YTHDF2: variants seen among roughly 807,000 people sequenced by gnomAD.
The protein encoded by YTHDF2 is YTH N6-methyladenosine RNA binding protein F2.
YTHDF2 carries 2 observed loss-of-function variants against 50.4 expected under a neutral mutation model. The ratio of observed to expected loss-of-function variants is 0.04; its 90% CI spans 0.02 to 0.12. YTHDF2 has a LOEUF of 0.12. YTHDF2 is among the 10% of genes least tolerant of loss of function. The pLI is 1.00. For synonymous variants in YTHDF2, 217 were observed against 255.6 expected, an observed-to-expected ratio of 0.85 and a Z score of 1.44; for missense variants, 483 against 722.6, an observed-to-expected ratio of 0.67 and a Z score of 3.80.
intron 3 of YTHDF2, among the ~76,000 whole-genome samples, chr1:28,739,376 G>A (rs1220843629): frequency 6.7e-6 from 1 of 149,754 alleles, no homozygotes; most frequent in Non-Finnish European, 1.5e-5. Context: ...GTGCAGTGGT[G>A]CAATCTCGGC....
intron 4 of YTHDF2, among the ~76,000 whole-genome samples, chr1:28,744,192 C>A (rs899881456): frequency 6.6e-6 from 1 of 152,018 alleles, no homozygotes; most frequent in African/African-American, 2.4e-5. Flanking sequence ...GACAGAAATA[C>A]GGACTTTGAA....
rs1294901915 is a variant in YTHDF2, at chr1:28,737,010, G to A, written c.-111G>A. ...CTCCGCTGCGTCCGCCGAGGCCCCC[G>A]AGTGTCAGGGACAAAAGCCTCCGCC... On this transcript the variant is annotated 5_prime_UTR_variant, in exon 1 of 5. Transcript: ENST00000373812. The A allele has an allele frequency of 2.9e-6, 4 of 1,385,250 alleles. No homozygotes were observed. Among genetic ancestry groups the A allele is most frequent in the African/African-American group, 1.5e-5 (1 of 67,932 alleles). 85.8% of individuals were successfully genotyped at this position (1,385,250 alleles called of 1,614,324 possible). A position where few individuals can be genotyped will look rare whatever the true frequency, so the allele number is the denominator to read the frequency against.
intron 1 of YTHDF2, 58 bp downstream of exon 1, chr1:28,737,205 G>A: frequency 1.3e-6 from 2 of 1,491,176 alleles, no homozygotes; most frequent in Non-Finnish European, 1.8e-6. Context: ...AGCCCGACTA[G>A]GCCCGGGCCC....
chr1:28,757,682 TTTGCATTTGTTTTTATTATAAAATG>T (rs1177650832), intron 4 of YTHDF2, among the ~76,000 whole-genome samples: 1 of 152,226 alleles, frequency 6.6e-6, no homozygotes, highest in African/African-American at 2.4e-5. Context: ...ATTTGCAAGT[TTTGCATTTGTTTTTATTATAAAATG>T]TAACCAAATT....
chr1:28,752,721 C>T (rs946364692), intron 4 of YTHDF2, among the ~76,000 whole-genome samples: 4 of 151,780 alleles, frequency 2.6e-5, no homozygotes, highest in Admixed American at 2.6e-4. Context: ...TGTGTCACGA[C>T]TGTAGCTCTT....
chr1:28,755,573 C>T (rs1433051833), intron 4 of YTHDF2, among the ~76,000 whole-genome samples: 2 of 152,058 alleles, frequency 1.3e-5, no homozygotes, highest in Non-Finnish European at 2.9e-5. Flanking sequence ...CAGCGTGGTT[C>T]TAGAGCCAAC....
intron 4 of YTHDF2, among the ~76,000 whole-genome samples, chr1:28,753,861 C>G (rs575529936): frequency 6.6e-6 from 1 of 151,908 alleles, no homozygotes; most frequent in African/African-American, 2.4e-5. Context: ...TGCCTGTCAC[C>G]ACGCCCAGCT....
intron 4 of YTHDF2, among the ~76,000 whole-genome samples, chr1:28,753,396 A>AAAAAAAAAAAAAAAAAAAAAAC (rs1557546431): frequency 8.8e-6 from 1 of 113,250 alleles, no homozygotes; most frequent in African/African-American, 3.6e-5. Context: ...AAAAAAAAAA[A>AAAAAAAAAAAAAAAAAAAAAAC]AATCAGCCAG....
chr1:28,760,271 T>G (rs954020708), intron 4 of YTHDF2, among the ~76,000 whole-genome samples: 2 of 147,252 alleles, frequency 1.4e-5, no homozygotes, highest in Non-Finnish European at 3.0e-5. Context: ...ACATAGTAGG[T>G]TGTGTGTGTG....
At position 28,738,335 on chromosome 1, in the gene YTHDF2, G is replaced by T; in HGVS notation, c.129G>T (p.Arg43Ser). ...DFEPYLSPQA[R>S]PNNAYTAMSD... ...AACCTTACTTGAGTCCACAGGCAAG[G>T]CCCGTGAGTAGTTAACTATTTACAT... is the stretch of plus-strand genomic sequence containing the variant. Residue 43 changes from arginine (R) to serine (S), a missense_variant, in exon 3 of 5, where the codon AGG becomes AGT. Physicochemically the swap from Arg to Ser is moderately radical, Grantham distance 110. Transcript: ENST00000373812. 1 of 1,613,332 alleles carries T rather than the reference G, an allele frequency of 6.2e-7. No individual in the cohort carries two copies. Among genetic ancestry groups the T allele is most frequent in the Non-Finnish European group, 8.5e-7 (1 of 1,179,280 alleles).
At chr1:28,737,366 G>A (rs1021067433) in intron 1 of YTHDF2, 5 of 644,406 alleles carry the variant, frequency 7.8e-6, no homozygotes, top group Non-Finnish European at 1.2e-5. Context: ...GGGCCGCGCC[G>A]CGTTCCCTTC....
chr1:28,753,777 G>A (rs1258400644), intron 4 of YTHDF2, among the ~76,000 whole-genome samples: 1 of 150,980 alleles, frequency 6.6e-6, no homozygotes, highest in African/African-American at 2.4e-5. Flanking sequence ...CGCGATCTTG[G>A]CTCGCTGCAG....
At chr1:28,767,386 T>A (rs1327590442) in intron 4 of YTHDF2, among the ~76,000 whole-genome samples, 4 of 152,194 alleles carry the variant, frequency 2.6e-5, no homozygotes, top group African/African-American at 9.6e-5. Context: ...AAAAAGGACA[T>A]CTATAGTCTA....
intron 4 of YTHDF2, among the ~76,000 whole-genome samples, chr1:28,755,931 A>G (rs1464567151): frequency 6.6e-6 from 1 of 152,210 alleles, no homozygotes; most frequent in African/African-American, 2.4e-5. Context: ...CACAGCCTGT[A>G]TGGAACTTCA....
chr1:28,757,056 C>T (rs1258944211), intron 4 of YTHDF2, among the ~76,000 whole-genome samples: 1 of 152,178 alleles, frequency 6.6e-6, no homozygotes, highest in Non-Finnish European at 1.5e-5. Context: ...CCTCCTGGAC[C>T]AAATTCTAGT....
At chr1:28,738,395 CCTT>C in intron 3 of YTHDF2, 57 bp downstream of exon 3, 1 of 1,353,098 alleles carries the variant, frequency 7.4e-7, no homozygotes, top group Non-Finnish European at 1.0e-6. Flanking sequence ...TCTTTCTCCG[CCTT>C]CTACCAATAA....
At position 28,756,632 on chromosome 1, in the gene YTHDF2, G is replaced by A. The variant is rs970352245; in HGVS notation, c.1717-12297G>A. 2.8e-4 allele frequency among the ~76,000 whole-genome samples: 42 copies of A among 152,118 alleles called. 1 individual carries two copies. The highest frequency in any genetic ancestry group is 7.4e-5 in the Non-Finnish European group (5 of 68,024). On this transcript the variant is annotated intron_variant, in intron 4 of 4. Coordinates refer to ENST00000373812, the MANE Select transcript of YTHDF2 (RefSeq NM_016258.3). ...AATGGGAATGATGCATGGAAGATGAGGTAGAGGGATCTGTTTTGATATGGG... is the reference window on the plus strand; with the variant it reads ...AATGGGAATGATGCATGGAAGATGAAGTAGAGGGATCTGTTTTGATATGGG...
At chr1:28,737,849 G>C (rs1282654661) in intron 2 of YTHDF2, 167 bp downstream of exon 2, 23 of 703,612 alleles carry the variant, frequency 3.3e-5, no homozygotes, top group Non-Finnish European at 5.0e-5. Flanking sequence ...TGCAGCTGGC[G>C]AACAGCTTTT....
rs2087726209 is a variant in YTHDF2 at position 28,738,324 on chromosome 1, C to A, written c.118C>A (p.Pro40Thr). 2 of 1,613,816 alleles carry A rather than the reference C, an allele frequency of 1.2e-6. No homozygotes were observed. The highest frequency in any genetic ancestry group is 8.5e-7 in the Non-Finnish European group (1 of 1,179,858). The change falls in exon 3 of 5, where the codon CCA becomes ACA. Residue 40 changes from proline to threonine, a missense_variant. This residue lies in a region of YTHDF2 where 385 missense variants were observed against 475.8 expected (regional missense o/e 0.81). Coordinates refer to ENST00000373812, the MANE Select transcript of YTHDF2 (RefSeq NM_016258.3). ...TGATGATTTTGAACCTTACTTGAGT[C>A]CACAGGCAAGGCCCGTGAGTAGTTA... ...NDDDFEPYLS[P>T]QARPNNAYTA...
Sources: gnomAD v4.1 joint callset for allele counts (sites outside exome capture counted in the v4.1 genomes callset) on GRCh38, gnomAD v4.1.1 for gene constraint, gnomAD v4.1.1 regional missense constraint, MANE v1.5 for transcripts, NCBI Gene and HGNC (gene_info 2026-07-23, HGNC 2026-07-21) for gene names.